Variants in SSBP4 observed in about 807,000 individuals in gnomAD.
SSBP4 encodes single-stranded DNA-binding protein 4.
SSBP4 carries 33 observed loss-of-function variants against 64.6 expected under a neutral mutation model. The observed-to-expected ratio is 0.51, with a 90% CI of 0.39 to 0.68. The LOEUF is 0.68. SSBP4 is among the 30% of genes least tolerant of loss of function. SSBP4 has a pLI of 0.00. For synonymous variants in SSBP4, 243 were observed against 224.0 expected (o/e 1.08, Z -0.76); for missense variants, 583 against 566.8 (o/e 1.03, Z -0.29).
chr19:18,406,103 A>G, the SSBP4 span, among the ~76,000 whole-genome samples: 4 of 151,930 alleles, frequency 2.6e-5, 1 homozygote, highest in Non-Finnish European at 5.9e-5. Context: ...CAGCCTCCCA[A>G]AGTGTCGGGA....
the SSBP4 span, among the ~76,000 whole-genome samples, chr19:18,403,914 T>A: frequency 6.6e-6 from 1 of 152,000 alleles, no homozygotes; most frequent in Non-Finnish European, 1.5e-5. Flanking sequence ...GCCACCTCCC[T>A]GGGGTCCCTC....
At position 18,432,992 on chromosome 19, in the gene SSBP4, A is replaced by G. The variant is rs766633668; in HGVS notation, c.861A>G (p.Glu287=). Residue 287 remains glutamate (E), a synonymous_variant, in exon 14 of 18, where the codon GAA becomes GAG. Coordinates refer to ENST00000270061, the MANE Select transcript of SSBP4 (RefSeq NM_032627.5). ...PSPGDSTNSS[E]NMYTIMNPIG... is the part of the protein sequence containing the mutation. ...CCCCAGATTCCACCAACTCCAGCGA[A>G]AACATGTACACTATCATGAACCCCA... 6.2e-7 allele frequency: 1 copy of G among 1,614,126 alleles called. No individual in the cohort carries two copies. Among genetic ancestry groups the G allele is most frequent in the Non-Finnish European group, 8.5e-7 (1 of 1,179,998 alleles).
At chr19:18,404,883 C>T in the SSBP4 span, among the ~76,000 whole-genome samples, 1 of 134,682 alleles carries the variant, frequency 7.4e-6, no homozygotes, top group Non-Finnish European at 1.6e-5. Context: ...CAGAGCGAGA[C>T]TCCATCTCAA....
upstream of SSBP4, among the ~76,000 whole-genome samples, chr19:18,417,288 G>A (rs1972152033): frequency 6.6e-6 from 1 of 152,230 alleles, no homozygotes; most frequent in Non-Finnish European, 1.5e-5. This position sits in a 1 kb window ranked among gnomAD's most constrained non-coding sequence, Gnocchi z 5.4. Flanking sequence ...CCAGCACACA[G>A]TAGGCGCTCA....
At chr19:18,408,775 G>A in the SSBP4 span, among the ~76,000 whole-genome samples, 4 of 152,122 alleles carry the variant, frequency 2.6e-5, no homozygotes, top group African/African-American at 9.7e-5. Context: ...ACAGTCGTGA[G>A]CCACCGCACG....
chr19:18,429,838 CG>C (rs1342452776), intron 4 of SSBP4, among the ~76,000 whole-genome samples: 1 of 152,078 alleles, frequency 6.6e-6, no homozygotes, highest in African/African-American at 2.4e-5. Flanking sequence ...AGGACCCTGG[CG>C]GGAGGCTTGA....
intron 4 of SSBP4, among the ~76,000 whole-genome samples, chr19:18,429,653 T>G (rs1973184774): frequency 1.4e-5 from 2 of 138,036 alleles, no homozygotes; most frequent in African/African-American, 2.7e-5. Context: ...CCATTGTGTT[T>G]GCGGGAGGGG....
At position 18,433,805 on chromosome 19, in the gene SSBP4, C is replaced by A; in HGVS notation, c.1116C>A (p.Phe372Leu). 6.9e-7 allele frequency: 1 copy of A among 1,439,674 alleles called. No individual in the cohort carries two copies. Among genetic ancestry groups the A allele is most frequent in the Non-Finnish European group, 9.1e-7 (1 of 1,100,710 alleles). The allele number at this position is 1,439,674 out of a possible 1,614,324, so 89.2% of individuals were successfully genotyped here. A position where few individuals can be genotyped will look rare whatever the true frequency, so the allele number is the denominator to read the frequency against. Residue 372 changes from phenylalanine (F) to leucine (L), a missense_variant, in exon 17 of 18, where the codon TTC becomes TTA. Phe to Leu is a conservative substitution (Grantham distance 22). Transcript: ENST00000270061. ...CCGCCGGGACCTTCCTGCACCCGTTCCCGAGCGAAAGCGTAAGCGACTGCG... is the reference window on the plus strand; with the variant it reads ...CCGCCGGGACCTTCCTGCACCCGTTACCGAGCGAAAGCGTAAGCGACTGCG... ...MAAAGTFLHP[F>L]PSESYSPGMT... is the part of the protein sequence containing the mutation.
At position 18,427,674 on chromosome 19, in the gene SSBP4, A is replaced by C; in HGVS notation, c.133-78A>C. On this transcript the variant is annotated intron_variant, in intron 2 of 17. Coordinates refer to ENST00000270061, the MANE Select transcript of SSBP4 (RefSeq NM_032627.5). This position sits in a 1 kb window ranked among gnomAD's most constrained non-coding sequence, Gnocchi z 4.4. ...CCCTCCCCACTCCCTCCCTGCCCAGATGTTCTCTGGGCACCCTGCTGGGTG... is the reference window on the plus strand; with the variant it reads ...CCCTCCCCACTCCCTCCCTGCCCAGCTGTTCTCTGGGCACCCTGCTGGGTG... 1 of 1,485,340 alleles carries C rather than the reference A, an allele frequency of 6.7e-7. No individual in the cohort carries two copies. The allele number at this position is 1,485,340 out of a possible 1,614,324, so 92.0% of individuals were successfully genotyped here.
chr19:18,413,195 T>G, the SSBP4 span, among the ~76,000 whole-genome samples: 3 of 127,838 alleles, frequency 2.3e-5, no homozygotes, highest in Non-Finnish European at 4.9e-5. Context: ...ATTGTGGACG[T>G]GGGGGAGGGA....
upstream of SSBP4, among the ~76,000 whole-genome samples, chr19:18,418,382 G>T (rs1972214867): frequency 6.6e-6 from 1 of 152,206 alleles, no homozygotes; most frequent in Non-Finnish European, 1.5e-5. The surrounding 1 kb of genome is among the most constrained non-coding windows in gnomAD (Gnocchi z 6.7). Flanking sequence ...CCCTGCGGGG[G>T]TCCCTGACTC....
intron 1 of SSBP4, among the ~76,000 whole-genome samples, chr19:18,420,409 G>A (rs1237944600): frequency 3.3e-5 from 5 of 152,118 alleles, no homozygotes; most frequent in African/African-American, 1.2e-4. Flanking sequence ...GTAGGGGCAG[G>A]TTCCACCGTG....
At chr19:18,411,484 G>A in the SSBP4 span, among the ~76,000 whole-genome samples, 1 of 151,924 alleles carries the variant, frequency 6.6e-6, no homozygotes, top group Admixed American at 6.6e-5. Flanking sequence ...AACAGAGCGA[G>A]ACTTCGTCTT....
In SSBP4 at chr19:18,423,070, T is replaced by G. The variant is rs947297227; in HGVS notation, c.59+3363T>G. ...GCAGCAGATGGCAGTGACTGTGGAGTGCAGGGGCAGCAGAGTGGGCTGAGG... is the reference window on the plus strand; with the variant it reads ...GCAGCAGATGGCAGTGACTGTGGAGGGCAGGGGCAGCAGAGTGGGCTGAGG... On this transcript the variant is annotated intron_variant, in intron 1 of 17. Transcript: ENST00000270061. The surrounding 1 kb of genome is among the most constrained non-coding windows in gnomAD (Gnocchi z 4.0). Among the ~76,000 whole-genome samples, 1 of 151,972 alleles carries G rather than the reference T, an allele frequency of 6.6e-6. No homozygotes were observed. The highest frequency in any genetic ancestry group is 1.5e-5 in the Non-Finnish European group (1 of 67,984).
upstream of SSBP4, among the ~76,000 whole-genome samples, chr19:18,418,202 G>A (rs914199249): frequency 2.6e-5 from 4 of 152,186 alleles, no homozygotes; most frequent in Non-Finnish European, 5.9e-5. This position sits in a 1 kb window ranked among gnomAD's most constrained non-coding sequence, Gnocchi z 6.7. Flanking sequence ...GCACAAGGAT[G>A]CACACGTGCA....
rs974339412 is a variant in SSBP4, at chr19:18,423,981, C to T, written c.60-3370C>T. ...GCGCCCCCAGACCTGGCCCCCGGAG[C>T]AGTCCTCTGGGAGGGGAGGACCTTG... On this transcript the variant is annotated intron_variant, in intron 1 of 17. Coordinates refer to ENST00000270061, the MANE Select transcript of SSBP4 (RefSeq NM_032627.5). The surrounding 1 kb of genome is among the most constrained non-coding windows in gnomAD (Gnocchi z 4.0). Among the ~76,000 whole-genome samples the T allele has an allele frequency of 1.3e-5, 2 of 152,330 alleles. No homozygotes were observed. Among genetic ancestry groups the T allele is most frequent in the Admixed American group, 6.5e-5 (1 of 15,304 alleles).
At chr19:18,407,597 A>C in the SSBP4 span, among the ~76,000 whole-genome samples, 1 of 144,148 alleles carries the variant, frequency 6.9e-6, no homozygotes, top group Admixed American at 7.0e-5. Context: ...ACGCCCGGTT[A>C]ATTTTTTGTA....
chr19:18,412,745 G>T, the SSBP4 span, among the ~76,000 whole-genome samples: 1 of 152,048 alleles, frequency 6.6e-6, no homozygotes, highest in Non-Finnish European at 1.5e-5. Flanking sequence ...GCACACCTGT[G>T]GTCCTAGCTA....
chr19:18,434,001 C>A, intron 17 of SSBP4, 184 bp downstream of exon 17: 1 of 1,234,894 alleles, frequency 8.1e-7, no homozygotes, highest in Non-Finnish European at 1.0e-6. Context: ...CCTCCCGCTC[C>A]TATTTCACCG....
Sources: allele counts gnomAD v4.1 joint callset (sites outside exome capture counted in the v4.1 genomes callset), GRCh38; gene constraint gnomAD v4.1.1; non-coding constraint Gnocchi (gnomAD v3.1); transcripts MANE v1.5; gene names NCBI Gene and HGNC (gene_info 2026-07-23, HGNC 2026-07-21).